The following KLF12 variants were observed in gnomAD, a reference collection of about 807,000 sequenced individuals.
The protein encoded by KLF12 is KLF transcription factor 12, also known as Krueppel-like factor 12.
KLF12 carries 9 observed loss-of-function variants against 37.8 expected under a neutral mutation model. The ratio of observed to expected loss-of-function variants is 0.24; its 90% CI spans 0.14 to 0.42. The LOEUF (loss-of-function observed/expected upper bound fraction) is 0.42. KLF12 is among the 10% of genes least tolerant of loss of function. The probability of loss-of-function intolerance (pLI) is 1.00; values close to 1 mark genes in which losing one functional copy is unlikely to be tolerated. For missense variants in KLF12, 411 were observed against 516.0 expected (o/e 0.80, Z 1.97); for synonymous variants, 208 against 202.1 (o/e 1.03, Z -0.25).
At chr13:74,001,092 T>C (rs1892269646) in intron 1 of KLF12, among the ~76,000 whole-genome samples, 1 of 152,214 alleles carries the variant, frequency 6.6e-6, no homozygotes, top group Non-Finnish European at 1.5e-5. Context: ...CCACATGTAG[T>C]ACTGCATTCT....
chr13:73,964,463 A>G (rs1053681613), intron 2 of KLF12, among the ~76,000 whole-genome samples: 2 of 152,112 alleles, frequency 1.3e-5, no homozygotes, highest in Non-Finnish European at 2.9e-5. Flanking sequence ...TCAATTTCAG[A>G]AACACTCTAT....
intron 4 of KLF12, among the ~76,000 whole-genome samples, chr13:73,823,688 T>G (rs1883665784): frequency 6.6e-6 from 1 of 151,872 alleles, no homozygotes; most frequent in Admixed American, 6.6e-5. Context: ...AAGATTTGGT[T>G]ATCTCTCTTC....
intron 3 of KLF12, among the ~76,000 whole-genome samples, chr13:73,916,230 C>G (rs867712950): frequency 0.022 from 1,700 of 76,396 alleles, 24 homozygotes; most frequent in African/African-American, 0.062. Context: ...CACACACACA[C>G]ACACACACAC....
chr13:73,933,552 G>A (rs188490470), intron 3 of KLF12, among the ~76,000 whole-genome samples: 134 of 152,238 alleles, frequency 8.8e-4, no homozygotes, highest in African/African-American at 3.1e-3. Context: ...GGCTAAACAC[G>A]AATAGTCTCA....
intron 1 of KLF12, among the ~76,000 whole-genome samples, chr13:74,074,377 G>C (rs1874446493): frequency 6.6e-6 from 1 of 152,234 alleles, no homozygotes; most frequent in East Asian, 1.9e-4. Flanking sequence ...GCCAAACAGG[G>C]TTCTAAAACC....
the KLF12 span, among the ~76,000 whole-genome samples, chr13:74,237,666 T>C: frequency 6.6e-6 from 1 of 151,700 alleles, no homozygotes; most frequent in East Asian, 1.9e-4. Context: ...ACATCCCTTG[T>C]AAGTTGGATT....
At chr13:73,869,987 G>A (rs759627606) in intron 3 of KLF12, among the ~76,000 whole-genome samples, 1 of 152,118 alleles carries the variant, frequency 6.6e-6, no homozygotes. Flanking sequence ...TACGATGTAC[G>A]ATTACCCAGT....
chr13:73,706,062 G>T (rs1402679032), intron 7 of KLF12, among the ~76,000 whole-genome samples: 1 of 152,158 alleles, frequency 6.6e-6, no homozygotes, highest in Non-Finnish European at 1.5e-5. Flanking sequence ...TGAGGCAGGA[G>T]AATCACTTGA....
At chr13:74,156,655 T>C in the KLF12 span, among the ~76,000 whole-genome samples, 1 of 119,490 alleles carries the variant, frequency 8.4e-6, no homozygotes. Flanking sequence ...CTGGTAACAA[T>C]CCTTCTACTC....
intron 2 of KLF12, among the ~76,000 whole-genome samples, chr13:73,990,945 T>C (rs1891953132): frequency 6.7e-6 from 1 of 149,062 alleles, no homozygotes; most frequent in Admixed American, 6.7e-5. Flanking sequence ...ACAGAAGATA[T>C]GAGGCACGGA....
At chr13:74,047,584 G>T (rs1341884004) in intron 1 of KLF12, among the ~76,000 whole-genome samples, 1 of 132,098 alleles carries the variant, frequency 7.6e-6, no homozygotes, top group African/African-American at 2.9e-5. Context: ...GCGACATAAT[G>T]AGACTCCATC....
intron 1 of KLF12, among the ~76,000 whole-genome samples, chr13:74,083,755 G>A (rs1029647458): frequency 3.3e-5 from 5 of 152,138 alleles, no homozygotes; most frequent in Admixed American, 2.0e-4. Context: ...AGGTTCAACG[G>A]TTTGTATAAT....
chr13:74,168,783 G>C, the KLF12 span, among the ~76,000 whole-genome samples: 47 of 152,364 alleles, frequency 3.1e-4, no homozygotes, highest in South Asian at 9.5e-3. Flanking sequence ...CCAGCTTCAA[G>C]AAGGTGGGTT....
the KLF12 span, among the ~76,000 whole-genome samples, chr13:74,271,908 C>T: frequency 5.9e-5 from 9 of 152,114 alleles, no homozygotes; most frequent in African/African-American, 2.2e-4. Flanking sequence ...GGGCAAGGGG[C>T]AAAGAACTCA....
At chr13:74,150,704 A>T in the KLF12 span, among the ~76,000 whole-genome samples, 4 of 152,168 alleles carry the variant, frequency 2.6e-5, no homozygotes, top group South Asian at 2.1e-4. Flanking sequence ...TTAGTAAGTA[A>T]AATAAGGGTG....
At chr13:74,201,070 G>T in the KLF12 span, among the ~76,000 whole-genome samples, 4 of 152,064 alleles carry the variant, frequency 2.6e-5, no homozygotes, top group African/African-American at 7.2e-5. Context: ...AATCAAAGAT[G>T]CAGTTTTCGT....
the KLF12 span, among the ~76,000 whole-genome samples, chr13:74,224,739 T>C: frequency 6.6e-6 from 1 of 152,168 alleles, no homozygotes; most frequent in Non-Finnish European, 1.5e-5. Context: ...CAGTTCTTAA[T>C]AAGTAGTATA....
intron 2 of KLF12, among the ~76,000 whole-genome samples, chr13:73,990,043 C>T (rs1791592950): frequency 6.6e-6 from 1 of 151,806 alleles, no homozygotes; most frequent in Admixed American, 6.6e-5. Context: ...GAAATATAGC[C>T]ACCTTGGGAA....
chr13:74,230,076 C>G, the KLF12 span, among the ~76,000 whole-genome samples: 3 of 152,066 alleles, frequency 2.0e-5, no homozygotes, highest in African/African-American at 4.8e-5. Context: ...TGTCCCCACC[C>G]AAATCTCATC....
Sources: gnomAD v4.1 joint callset for allele counts (sites outside exome capture counted in the v4.1 genomes callset) on GRCh38, gnomAD v4.1.1 for gene constraint, MANE v1.5 for transcripts, NCBI Gene and HGNC (gene_info 2026-07-23, HGNC 2026-07-21) for gene names.